GALNTL6: variants seen among roughly 807,000 people sequenced by gnomAD.
GALNTL6 encodes the protein polypeptide N-acetylgalactosaminyltransferase-like 6.
GALNTL6 carries 46 observed loss-of-function variants against 73.7 expected under a neutral mutation model. That is an observed-to-expected ratio of 0.62 (90% CI 0.49 to 0.80). The LOEUF (loss-of-function observed/expected upper bound fraction) is 0.80. Among genes scored for constraint, GALNTL6 ranks in the 30% least tolerant of loss-of-function variants. The pLI is 0.00. For missense variants in GALNTL6, 604 were observed against 755.0 expected, an observed-to-expected ratio of 0.80 and a Z score of 2.34; for synonymous variants, 259 against 263.7, an observed-to-expected ratio of 0.98 and a Z score of 0.17.
intron 2 of GALNTL6, among the ~76,000 whole-genome samples, chr4:172,138,437 T>C (rs1253745571): frequency 1.7e-5 from 2 of 116,102 alleles, no homozygotes; most frequent in African/African-American, 6.5e-5. Flanking sequence ...TATCTCAGAG[T>C]CAAATTTGAT....
At chr4:171,876,558 T>G (rs1433151021) in intron 2 of GALNTL6, among the ~76,000 whole-genome samples, 1 of 152,198 alleles carries the variant, frequency 6.6e-6, no homozygotes, top group Non-Finnish European at 1.5e-5. Context: ...ACAAACCGTC[T>G]AACCCTCAAA....
At chr4:172,266,398 G>A (rs1265721451) in intron 3 of GALNTL6, 3 of 152,002 alleles carry the variant, frequency 2.0e-5, no homozygotes, top group African/African-American at 4.8e-5. Flanking sequence ...ATTCCCTCAG[G>A]TTTACCTCTT....
intron 5 of GALNTL6, among the ~76,000 whole-genome samples, chr4:172,683,503 T>G (rs1171913624): frequency 6.6e-6 from 1 of 152,236 alleles, no homozygotes; most frequent in Non-Finnish European, 1.5e-5. Context: ...TAAAAACTTT[T>G]TACCCTAACC....
At chr4:172,728,956 A>G (rs1365500691) in intron 5 of GALNTL6, among the ~76,000 whole-genome samples, 2 of 152,104 alleles carry the variant, frequency 1.3e-5, no homozygotes, top group African/African-American at 2.4e-5. Flanking sequence ...TGATTTGCAT[A>G]TCTCTGATGA....
At chr4:172,971,658 T>C (rs1180655065) in intron 10 of GALNTL6, among the ~76,000 whole-genome samples, 1 of 152,176 alleles carries the variant, frequency 6.6e-6, no homozygotes, top group Non-Finnish European at 1.5e-5. Flanking sequence ...CCAACTTTAG[T>C]ATTGCTTAGA....
intron 2 of GALNTL6, among the ~76,000 whole-genome samples, chr4:171,898,947 T>C (rs1181017192): frequency 6.6e-6 from 1 of 151,954 alleles, no homozygotes; most frequent in Non-Finnish European, 1.5e-5. Context: ...TGAGTTTCAA[T>C]ATAGATTTCT....
At chr4:171,951,737 G>A (rs3113678) in intron 2 of GALNTL6, among the ~76,000 whole-genome samples, 71,373 of 151,768 alleles carry the variant, frequency 0.47, 17,181 homozygotes, top group Middle Eastern at 0.61. Flanking sequence ...AAAAATTGCT[G>A]GAAAATATTT....
intron 2 of GALNTL6, among the ~76,000 whole-genome samples, chr4:172,118,915 T>C (rs1289080830): frequency 6.6e-6 from 1 of 151,962 alleles, no homozygotes; most frequent in Non-Finnish European, 1.5e-5. Context: ...TTTTAGACTT[T>C]CACTTGAACA....
chr4:172,258,877 T>G (rs995829384), intron 3 of GALNTL6, among the ~76,000 whole-genome samples: 3 of 151,292 alleles, frequency 2.0e-5, no homozygotes, highest in Non-Finnish European at 4.4e-5. Context: ...TTACTTCACT[T>G]AGAATAATGG....
chr4:171,864,299 A>G lies in GALNTL6; in HGVS notation c.138+49581A>G, dbSNP rs532689404. Among the ~76,000 whole-genome samples the G allele has an allele frequency of 5.8e-4, 88 of 152,296 alleles. No homozygotes were observed. The Middle Eastern group carries it at 0.01, about 18-fold the overall frequency. On this transcript the variant is annotated intron_variant, in intron 2 of 12. Coordinates refer to ENST00000506823, the MANE Select transcript of GALNTL6 (RefSeq NM_001034845.3). ...TGGGAGAAACAGTGGCTCGAATATA[A>G]AAGGTCACGATTATCTTTAAGGAAA...
At chr4:172,138,478 T>TAC (rs1200557452) in intron 2 of GALNTL6, among the ~76,000 whole-genome samples, 32 of 2,774 alleles carry the variant, frequency 0.012, no homozygotes, top group African/African-American at 0.029. Context: ...TTGGACTGCC[T>TAC]ATATATATAT....
In GALNTL6 at chr4:172,479,311, T is replaced by TATAC. The variant is rs200142991; in HGVS notation, c.553+130628_553+130631dup. Among the ~76,000 whole-genome samples the TATAC allele has an allele frequency of 6.7e-4, 59 of 87,520 alleles. No individual in the cohort carries two copies. The East Asian group carries it at 0.025, about 37-fold the overall frequency. 57.4% of individuals were successfully genotyped at this position (87,520 alleles called of 152,430 possible). Reference sequence around the variant, plus strand: ...ATGAATAAAGACAATGAGATGTGTGTATACATACACACACACACACACTTC... The same window carrying TATAC: ...ATGAATAAAGACAATGAGATGTGTGTATACATACATACACACACACACACACTTC... On this transcript the variant is annotated intron_variant, in intron 5 of 12. Coordinates refer to ENST00000506823, the MANE Select transcript of GALNTL6 (RefSeq NM_001034845.3).
At chr4:172,440,156 G>A (rs1356819976) in intron 5 of GALNTL6, among the ~76,000 whole-genome samples, 1 of 152,080 alleles carries the variant, frequency 6.6e-6, no homozygotes, top group Non-Finnish European at 1.5e-5. Context: ...GCCCAAAGGA[G>A]TAGAAAACTT....
intron 3 of GALNTL6, among the ~76,000 whole-genome samples, chr4:172,291,778 C>T (rs1561009348): frequency 6.6e-6 from 1 of 151,454 alleles, no homozygotes; most frequent in Non-Finnish European, 1.5e-5. Flanking sequence ...TTCTGGCAGC[C>T]ACATTCCAAA....
intron 5 of GALNTL6, among the ~76,000 whole-genome samples, chr4:172,751,436 A>T (rs867986684): frequency 2.0e-5 from 3 of 152,236 alleles, no homozygotes; most frequent in Non-Finnish European, 4.4e-5. Context: ...TGATCTTAAA[A>T]ATATCACCAA....
chr4:172,385,000 T>C (rs1743411768), intron 5 of GALNTL6, among the ~76,000 whole-genome samples: 3 of 150,336 alleles, frequency 2.0e-5, no homozygotes, highest in African/African-American at 7.4e-5. Context: ...TGTGTTTTGT[T>C]TCGTTTTTGT....
intron 5 of GALNTL6, among the ~76,000 whole-genome samples, chr4:172,724,958 C>A (rs942929021): frequency 1.3e-5 from 2 of 152,080 alleles, no homozygotes; most frequent in African/African-American, 4.8e-5. Context: ...TTCCAGGACA[C>A]CCAGACATGA....
intron 2 of GALNTL6, among the ~76,000 whole-genome samples, chr4:171,903,612 CCCTG>C (rs1737178852): frequency 1.5e-5 from 2 of 133,828 alleles, no homozygotes; most frequent in Admixed American, 6.9e-5. Flanking sequence ...AACAAAGCAG[CCCTG>C]AAGCTCAAAC....
chr4:172,585,812 GA>G (rs1452534935), intron 5 of GALNTL6, among the ~76,000 whole-genome samples: 1 of 151,712 alleles, frequency 6.6e-6, no homozygotes, highest in Non-Finnish European at 1.5e-5. Flanking sequence ...AAATTTACAA[GA>G]AAAAAACAAA....
Sources: allele counts gnomAD v4.1 joint callset (sites outside exome capture counted in the v4.1 genomes callset), GRCh38; gene constraint gnomAD v4.1.1; transcripts MANE v1.5; gene names NCBI Gene and HGNC (gene_info 2026-07-23, HGNC 2026-07-21).